Variants in CFAP45 observed in about 807,000 individuals in gnomAD.
The protein encoded by CFAP45 is cilia and flagella associated protein 45.
A neutral mutation model predicts 75.6 loss-of-function variants in CFAP45; 43 were observed. That is an observed-to-expected ratio of 0.57 (90% CI 0.45 to 0.73). The LOEUF is 0.73. Ranked by LOEUF, CFAP45 falls within the 30% of genes least tolerant of loss-of-function variation. The probability of loss-of-function intolerance (pLI) is 0.00; values close to 1 mark genes in which losing one functional copy is unlikely to be tolerated. For missense variants in CFAP45, 689 were observed against 701.5 expected (o/e 0.98, Z 0.20); for synonymous variants, 223 against 244.6 (o/e 0.91, Z 0.82).
chr1:159,884,391 A>G (rs1322698708), intron 7 of CFAP45, 45 bp downstream of exon 7: 4 of 1,569,364 alleles, frequency 2.5e-6, no homozygotes, highest in Admixed American at 3.6e-5. Flanking sequence ...AAGGGTTTTG[A>G]TGCTGCAGCT....
intron 7 of CFAP45, 29 bp from the exon 8 acceptor site, chr1:159,880,729 G>A: frequency 6.2e-7 from 1 of 1,611,042 alleles, no homozygotes; most frequent in Non-Finnish European, 8.5e-7. Context: ...GAGCCTCAGA[G>A]TACAAAGAGG....
chr1:159,873,300 C>T (rs2101839354), intron 10 of CFAP45, 132 bp from the exon 11 acceptor site: 1 of 698,826 alleles, frequency 1.4e-6, no homozygotes. Context: ...GGGCTCCAGC[C>T]CCATTTTGTA....
Position 159,894,689 on chromosome 1 carries a change from G to A in CFAP45, c.4-1384C>T, listed in dbSNP as rs115678548. On this transcript the variant is annotated intron_variant, in intron 1 of 11. Transcript: ENST00000368099. Reference sequence around the variant, plus strand: ...GCAAATTCCCCATCTAATGAGTTGTGGGAGATAGTGCTCTTCTCCAACTAC... The same window carrying A: ...GCAAATTCCCCATCTAATGAGTTGTAGGAGATAGTGCTCTTCTCCAACTAC... Among the ~76,000 whole-genome samples the A allele has an allele frequency of 6.0e-3, 920 of 152,220 alleles. 11 individuals are homozygous for A. The highest frequency in any genetic ancestry group is 0.021 in the African/African-American group (880 of 41,522).
chr1:159,884,329 G>A, intron 7 of CFAP45, 107 bp downstream of exon 7: 2 of 1,162,742 alleles, frequency 1.7e-6, no homozygotes, highest in East Asian at 2.5e-5. Context: ...GTTGTGAAAT[G>A]AGCATGTGCC....
At position 159,890,470 on chromosome 1, in the gene CFAP45, GT is replaced by G; in HGVS notation, c.272+9del. 6.2e-7 allele frequency: 1 copy of G among 1,613,938 alleles called. No homozygotes were observed. Among genetic ancestry groups the G allele is most frequent in the South Asian group, 1.1e-5 (1 of 91,070 alleles). On this transcript the variant is annotated intron_variant, in intron 3 of 11. Transcript: ENST00000368099. The stretch of plus-strand genomic sequence containing the variant: ...ACTGGACATAGAAGGGCAGGGGACG[GT>G]GTACTCACATGAGTTCTCGGACCAT...
rs771846034 is a variant in CFAP45, at chr1:159,884,418, G to A, written c.897+18C>T. 3 of 1,584,918 alleles carry A rather than the reference G, an allele frequency of 1.9e-6. No homozygotes were observed. Among genetic ancestry groups the A allele is most frequent in the Admixed American group, 1.8e-5 (1 of 56,568 alleles). On this transcript the variant is annotated intron_variant, in intron 7 of 11. Transcript: ENST00000368099. Reference sequence around the variant, plus strand: ...GCTGCAGCTGGTGAAACGTGGCATTGTCTGTCTGGCCTGTTACCTTTAGAT... The same window carrying A: ...GCTGCAGCTGGTGAAACGTGGCATTATCTGTCTGGCCTGTTACCTTTAGAT...
In CFAP45 at chr1:159,887,969, TCTC is replaced by T; in HGVS notation, c.457_459del (p.Glu153del). 2 of 1,614,172 alleles carry T rather than the reference TCTC, an allele frequency of 1.2e-6. No homozygotes were observed. The highest frequency in any genetic ancestry group is 1.7e-6 in the Non-Finnish European group (2 of 1,180,042). ...AGCTTCTTGTTGTTGTTCCACACCA[TCTC>T]CTTCTGTTTCATGATCTTCTTTCGT... On this transcript the variant is annotated inframe_deletion, in exon 5 of 12. Coordinates refer to ENST00000368099, the MANE Select transcript of CFAP45 (RefSeq NM_012337.3).
At chr1:159,877,538 G>A in intron 8 of CFAP45, 76 bp from the exon 9 acceptor site, 1 of 990,620 alleles carries the variant, frequency 1.0e-6, no homozygotes, top group South Asian at 1.3e-5. Flanking sequence ...CCCTACAACA[G>A]ACTTTCCAAT....
chr1:159,873,539 T>C (rs1475932631), intron 10 of CFAP45: 2 of 236,524 alleles, frequency 8.5e-6, no homozygotes, highest in South Asian at 6.4e-5. Flanking sequence ...GGTGCTATCA[T>C]AGCTCACCGC....
At chr1:159,896,263 G>A (rs1329142230) in intron 1 of CFAP45, among the ~76,000 whole-genome samples, 3 of 152,158 alleles carry the variant, frequency 2.0e-5, no homozygotes, top group Non-Finnish European at 4.4e-5. Context: ...CAGGTCAAGA[G>A]GAAGTCACAG....
chr1:159,881,607 G>T (rs1649551605), intron 7 of CFAP45, among the ~76,000 whole-genome samples: 1 of 152,174 alleles, frequency 6.6e-6, no homozygotes, highest in Non-Finnish European at 1.5e-5. Flanking sequence ...AGGCAGGAAA[G>T]GTAGGACCAA....
Position 159,896,009 on chromosome 1 carries a change from C to T in CFAP45, c.4-2704G>A, listed in dbSNP as rs190198838. Among the ~76,000 whole-genome samples, 107 of 152,364 alleles carry T rather than the reference C, an allele frequency of 7.0e-4. 1 individual carries two copies. The highest frequency in any genetic ancestry group is 2.3e-3 in the African/African-American group (95 of 41,588). ...AGATGGATACTTTTCCGGAATACAA[C>T]TGCCTGACTCCAAGTCACTCCACCA... On this transcript the variant is annotated intron_variant, in intron 1 of 11. Transcript: ENST00000368099.
At chr1:159,890,754 TTTC>T (rs1347355350) in intron 2 of CFAP45, 132 bp from the exon 3 acceptor site, 3 of 613,204 alleles carry the variant, frequency 4.9e-6, no homozygotes, top group Non-Finnish European at 2.5e-6. Context: ...CAGCTTTTCT[TTTC>T]TTTTTTTTTT....
rs1649580920 is a variant in CFAP45, at chr1:159,882,776, T to C, written c.897+1660A>G. On this transcript the variant is annotated intron_variant, in intron 7 of 11. Coordinates refer to ENST00000368099, the MANE Select transcript of CFAP45 (RefSeq NM_012337.3). The stretch of plus-strand genomic sequence containing the variant: ...ACTAATTCCCACTCCCCACATCTAG[T>C]TGGATTTTCCTGCCCTCACTTCTCA... Among the ~76,000 whole-genome samples, 4 of 152,250 alleles carry C rather than the reference T, an allele frequency of 2.6e-5. No individual in the cohort carries two copies. In the South Asian group the frequency reaches 8.3e-4, roughly 32 times the overall value.
At chr1:159,894,161 G>A (rs1202044899) in intron 1 of CFAP45, among the ~76,000 whole-genome samples, 1 of 152,048 alleles carries the variant, frequency 6.6e-6, no homozygotes, top group Non-Finnish European at 1.5e-5. Flanking sequence ...TTTTTTAAGA[G>A]CATTTCTGTA....
chr1:159,896,866 G>C (rs1649962121), intron 1 of CFAP45, among the ~76,000 whole-genome samples: 1 of 152,236 alleles, frequency 6.6e-6, no homozygotes. Context: ...GAGAGACTCT[G>C]ATGCAGAAAG....
In CFAP45 at chr1:159,888,429, AT is replaced by A; in HGVS notation, c.339del (p.Lys113AsnfsTer7). ...IISPEEFERIKWASHVLTREE... is the reference protein window; with the variant it reads ...IISPEEFERIXWASHVLTREE... ...TCTCTGGTCAGGACATGGGATGCCC[AT>A]TTGATTCGCTCAAACTCCTCAGGGC... On this transcript the variant is annotated frameshift_variant, in exon 4 of 12. Transcript: ENST00000368099. LOFTEE classifies it high-confidence loss of function. The A allele has an allele frequency of 6.2e-7, 1 of 1,606,988 alleles. No homozygotes were observed. Among genetic ancestry groups the A allele is most frequent in the Non-Finnish European group, 8.5e-7 (1 of 1,174,578 alleles).
chr1:159,887,882 G>T lies in CFAP45; in HGVS notation c.547C>A (p.Leu183Met). Residue 183 changes from leucine to methionine, a missense_variant, in exon 5 of 12, where the codon CTG becomes ATG. Physicochemically the swap from Leu to Met is conservative, Grantham distance 15 (BLOSUM62 2). Transcript: ENST00000368099. ...AGCTCCTCCTCCTGCTCCATCCGCA[G>T]CTTGTTGGCTCTCTGCAGGAGGTTC... is the stretch of plus-strand genomic sequence containing the variant. Reference protein sequence around the residue: ...AQNLLQRANKLRMEQEEELKD... With the variant: ...AQNLLQRANKMRMEQEEELKD... 1 of 1,614,170 alleles carries T rather than the reference G, an allele frequency of 6.2e-7. No homozygotes were observed. Among genetic ancestry groups the T allele is most frequent in the Non-Finnish European group, 8.5e-7 (1 of 1,179,996 alleles).
chr1:159,881,775 A>G (rs891222807), intron 7 of CFAP45, among the ~76,000 whole-genome samples: 8 of 152,144 alleles, frequency 5.3e-5, no homozygotes, highest in Non-Finnish European at 1.0e-4. Context: ...TGATCAGACC[A>G]CTTCTGAGCC....
Sources: gnomAD v4.1 joint callset for allele counts (sites outside exome capture counted in the v4.1 genomes callset) on GRCh38, gnomAD v4.1.1 for gene constraint, MANE v1.5 for transcripts, NCBI Gene and HGNC (gene_info 2026-07-23, HGNC 2026-07-21) for gene names.